PHAX: variants seen among roughly 807,000 people sequenced by gnomAD.
PHAX encodes the protein phosphorylated adaptor for RNA export.
In PHAX, 31 loss-of-function variants were observed where a neutral mutation model predicts 41.6. That is an observed-to-expected ratio of 0.75 (90% confidence interval 0.56 to 1.01). PHAX has a LOEUF of 1.01. PHAX is among the 50% of genes least tolerant of loss of function. The pLI, the probability that PHAX is intolerant of heterozygous loss-of-function variation, is 0.00. For synonymous variants in PHAX, 175 were observed against 164.9 expected (o/e 1.06, Z -0.47); for missense variants, 453 against 472.9 (o/e 0.96, Z 0.39).
intron 3 of PHAX, among the ~76,000 whole-genome samples, chr5:126,612,689 G>C (rs1346549056): frequency 2.0e-5 from 3 of 151,880 alleles, no homozygotes; most frequent in Non-Finnish European, 2.9e-5. Flanking sequence ...CAACAAGAGC[G>C]AAACTCGGTC....
chr5:126,601,325 C>T (rs977281135), intron 1 of PHAX, among the ~76,000 whole-genome samples: 8 of 151,804 alleles, frequency 5.3e-5, no homozygotes, highest in Non-Finnish European at 1.0e-4. Context: ...CTGGCTGCTC[C>T]CTGCGAGGCG....
chr5:126,602,897 C>T (rs1326992324), intron 1 of PHAX, among the ~76,000 whole-genome samples: 2 of 151,780 alleles, frequency 1.3e-5, no homozygotes, highest in South Asian at 2.1e-4. Flanking sequence ...CCCAGCTACT[C>T]CGGAGGCTGA....
At chr5:126,603,451 T>G in intron 1 of PHAX, 119 bp from the exon 2 acceptor site, 3 of 1,108,078 alleles carry the variant, frequency 2.7e-6, no homozygotes, top group Non-Finnish European at 3.9e-6. Flanking sequence ...GGTCTCAGAT[T>G]TGTCTTTGAA....
At chr5:126,624,093 C>CT (rs747471919) in intron 4 of PHAX, among the ~76,000 whole-genome samples, 16 of 150,242 alleles carry the variant, frequency 1.1e-4, no homozygotes, top group Non-Finnish European at 2.1e-4. Context: ...ACTGCAACCT[C>CT]TGTCTCCTGG....
Position 126,621,289 on chromosome 5 carries a change from A to G in PHAX, c.916-3286A>G, listed in dbSNP as rs1376330074. On this transcript the variant is annotated intron_variant, in intron 4 of 4. Coordinates refer to ENST00000297540, the MANE Select transcript of PHAX (RefSeq NM_032177.4). ...CTGTAGCCTCAAACTCCAGGGCTCA[A>G]GTGACCCTCTTGCCTCAGCCTCCTT... Among the ~76,000 whole-genome samples the G allele has an allele frequency of 5.3e-5, 8 of 152,264 alleles. No individual in the cohort carries two copies. In the South Asian group the frequency reaches 6.2e-4, roughly 12 times the overall value.
Position 126,604,015 on chromosome 5 carries a change from G to C in PHAX, c.542G>C (p.Gly181Ala). ...LDKELDEYMH[G>A]GKKMGSKEEE... is the part of the protein sequence containing the mutation. ...AAGGAACTAGATGAATATATGCATG[G>C]TGGCAAAAAAATGGGATCAAAGGAA... is the stretch of plus-strand genomic sequence containing the variant. Residue 181 changes from glycine (G) to alanine (A), a missense_variant, in exon 2 of 5, where the codon GGT becomes GCT. Transcript: ENST00000297540. 1 of 1,613,842 alleles carries C rather than the reference G, an allele frequency of 6.2e-7. No individual in the cohort carries two copies. The highest frequency in any genetic ancestry group is 1.1e-5 in the South Asian group (1 of 91,068).
chr5:126,610,370 T>C (rs1752075950), intron 3 of PHAX, among the ~76,000 whole-genome samples: 2 of 152,332 alleles, frequency 1.3e-5, no homozygotes, highest in Non-Finnish European at 1.5e-5. Flanking sequence ...GTCTGAATAC[T>C]GTAATAACAT....
At chr5:126,601,173 G>C in intron 1 of PHAX, 115 bp downstream of exon 1, 1 of 719,928 alleles carries the variant, frequency 1.4e-6, no homozygotes, top group Non-Finnish European at 2.3e-6. Context: ...GGGCCAGAGC[G>C]AGGAGCCCAG....
At position 126,617,502 on chromosome 5, in the gene PHAX, G is replaced by A. The variant is rs112121259; in HGVS notation, c.915+169G>A. ...TTATTTATTTATTTATTTTTGAGGC[G>A]GAGTCTCACTCTGTCACCCAGGCTG... On this transcript the variant is annotated intron_variant, in intron 4 of 4. Transcript: ENST00000297540. 5.2e-4 allele frequency among the ~76,000 whole-genome samples: 78 copies of A among 151,358 alleles called. 1 individual carries two copies. The Middle Eastern group carries it at 0.01, about 20-fold the overall frequency.
intron 2 of PHAX, among the ~76,000 whole-genome samples, chr5:126,604,394 A>G (rs1420503365): frequency 2.7e-5 from 4 of 147,826 alleles, no homozygotes; most frequent in Non-Finnish European, 5.9e-5. Context: ...CCTCCTGAAT[A>G]GCTGGGACCA....
Position 126,621,708 on chromosome 5 carries a change from A to G in PHAX, c.916-2867A>G, listed in dbSNP as rs75003073. Among the ~76,000 whole-genome samples, 454 of 152,298 alleles carry G rather than the reference A, an allele frequency of 3.0e-3. 2 individuals carry two copies. Among genetic ancestry groups the G allele is most frequent in the African/African-American group, 0.01 (428 of 41,570 alleles). On this transcript the variant is annotated intron_variant, in intron 4 of 4. Coordinates refer to ENST00000297540, the MANE Select transcript of PHAX (RefSeq NM_032177.4). ...CAAAGTTTTCTGAAGGAAAAAAGCA[A>G]TAGTTAAAACTTTATTTGCTTTGTT...
chr5:126,617,083 A>G (rs1283217019), intron 3 of PHAX, among the ~76,000 whole-genome samples, 167 bp from the exon 4 acceptor site: 2 of 152,172 alleles, frequency 1.3e-5, no homozygotes, highest in Non-Finnish European at 2.9e-5. Context: ...ACTGAAACTC[A>G]TATTTCGGTA....
At chr5:126,606,932 C>G (rs972795050) in intron 2 of PHAX, among the ~76,000 whole-genome samples, 3 of 152,188 alleles carry the variant, frequency 2.0e-5, no homozygotes, top group African/African-American at 4.8e-5. Flanking sequence ...GTTGGGATTA[C>G]AGGCATGAGC....
At chr5:126,603,031 C>T (rs2112828014) in intron 1 of PHAX, among the ~76,000 whole-genome samples, 1 of 149,010 alleles carries the variant, frequency 6.7e-6, no homozygotes, top group Non-Finnish European at 1.5e-5. Flanking sequence ...AATACATGCC[C>T]AGCCTGGGCA....
In PHAX at chr5:126,604,076, A is replaced by T. The variant is rs1751950358; in HGVS notation, c.603A>T (p.Arg201=). ...GGCAAGGTCATCTCAAAAGGAAACGACCTGTCAAAGACAGGCTAGGGAACA... is the reference window on the plus strand; with the variant it reads ...GGCAAGGTCATCTCAAAAGGAAACGTCCTGTCAAAGACAGGCTAGGGAACA... The part of the protein sequence containing the change: ...ENGQGHLKRK[R]PVKDRLGNRP... The change falls in exon 2 of 5, where the codon CGA becomes CGT. Residue 201 remains arginine, a synonymous_variant. Coordinates refer to ENST00000297540, the MANE Select transcript of PHAX (RefSeq NM_032177.4). 6.2e-7 allele frequency: 1 copy of T among 1,613,740 alleles called. No individual in the cohort carries two copies. The highest frequency in any genetic ancestry group is 1.3e-5 in the African/African-American group (1 of 74,840).
At chr5:126,603,493 ATC>A in intron 1 of PHAX, 75 bp from the exon 2 acceptor site, 1 of 1,468,744 alleles carries the variant, frequency 6.8e-7, no homozygotes, top group Non-Finnish European at 9.2e-7. Flanking sequence ...GCAAAGTTGA[ATC>A]TCTAAATTTT....
At chr5:126,608,519 T>G in intron 3 of PHAX, 35 bp downstream of exon 3, 1 of 1,356,310 alleles carries the variant, frequency 7.4e-7, no homozygotes, top group Non-Finnish European at 9.9e-7. Flanking sequence ...TTTTGTATTG[T>G]TTATCCTGTG....
At chr5:126,602,107 G>T (rs1455115623) in intron 1 of PHAX, among the ~76,000 whole-genome samples, 1 of 151,636 alleles carries the variant, frequency 6.6e-6, no homozygotes, top group Non-Finnish European at 1.5e-5. Context: ...CACCTCGCCC[G>T]GCCTAATTTT....
In PHAX at chr5:126,626,785, C is replaced by T. The variant is rs1398077767; in HGVS notation, c.*1941C>T. The T allele has an allele frequency of 6.6e-6, 1 of 150,516 alleles. No homozygotes were observed. The allele number at this position is 150,516 out of a possible 1,614,324, so 9.3% of individuals were successfully genotyped here. On this transcript the variant is annotated 3_prime_UTR_variant, in exon 5 of 5. Transcript: ENST00000297540. ...AATTAGCCGGGCATTGTGGTGCATG[C>T]CTGTAATCTCAGCTATTTGGGAGGC... is the stretch of plus-strand genomic sequence containing the variant.
Sources: gnomAD v4.1 joint callset for allele counts (sites outside exome capture counted in the v4.1 genomes callset) on GRCh38, gnomAD v4.1.1 for gene constraint, MANE v1.5 for transcripts, NCBI Gene and HGNC (gene_info 2026-07-23, HGNC 2026-07-21) for gene names.